The following CCDC148 variants were observed in gnomAD, a reference collection of about 807,000 sequenced individuals.
CCDC148 encodes coiled-coil domain containing 148.
CCDC148 carries 89 observed loss-of-function variants against 85.7 expected under a neutral mutation model. That is an observed-to-expected ratio of 1.04 (90% CI 0.87 to 1.24). The LOEUF (loss-of-function observed/expected upper bound fraction) is 1.24, where lower values mean the gene tolerates loss of function less well. Among genes scored for constraint, CCDC148 ranks in the 50% most tolerant of loss-of-function variants. The pLI is 0.00. For missense variants in CCDC148, 692 were observed against 671.7 expected (o/e 1.03, Z -0.33); for synonymous variants, 230 against 213.9 (o/e 1.08, Z -0.66).
chr2:158,331,078 C>T (rs553449054), intron 7 of CCDC148, among the ~76,000 whole-genome samples: 4 of 152,132 alleles, frequency 2.6e-5, no homozygotes, highest in Non-Finnish European at 4.4e-5. Context: ...TCTTGCTTCT[C>T]GAGTTCTTTT....
intron 1 of CCDC148, among the ~76,000 whole-genome samples, chr2:158,367,685 A>C (rs889968667): frequency 6.6e-6 from 1 of 152,178 alleles, no homozygotes; most frequent in Non-Finnish European, 1.5e-5. Flanking sequence ...AGTTGTAGCC[A>C]AATCTGTCTT....
intron 7 of CCDC148, among the ~76,000 whole-genome samples, chr2:158,317,206 AAAAAAATCTTTAGAC>A (rs1692320768): frequency 6.6e-6 from 1 of 152,228 alleles, no homozygotes; most frequent in Non-Finnish European, 1.5e-5. Flanking sequence ...CAATTTACAA[AAAAAAATCTTTAGAC>A]AAAAAATCTT....
intron 13 of CCDC148, among the ~76,000 whole-genome samples, chr2:158,173,330 T>C (rs1324230500): frequency 2.0e-5 from 3 of 152,022 alleles, no homozygotes; most frequent in African/African-American, 7.2e-5. Context: ...AACAGATGCT[T>C]CTCAGACTAG....
At position 158,357,734 on chromosome 2, in the gene CCDC148, A is replaced by G. The variant is rs568799913; in HGVS notation, c.147+715T>C. ...ATCAAATGTGCTTTGAAATAATAAC[A>G]ATTGCCTTCTATAAAAAAAGATATT... On this transcript the variant is annotated intron_variant, in intron 2 of 13. Transcript: ENST00000283233. Among the ~76,000 whole-genome samples the G allele has an allele frequency of 3.3e-5, 5 of 152,278 alleles. No homozygotes were observed. The South Asian group carries it at 1.0e-3, about 32-fold the overall frequency.
intron 1 of CCDC148, among the ~76,000 whole-genome samples, chr2:158,379,419 AAAT>A (rs1261740384): frequency 3.3e-5 from 5 of 152,178 alleles, no homozygotes; most frequent in Non-Finnish European, 7.4e-5. Flanking sequence ...AACACTGTTG[AAAT>A]AATAAAGGAT....
At chr2:158,285,331 T>G (rs891031181) in intron 9 of CCDC148, among the ~76,000 whole-genome samples, 1 of 148,012 alleles carries the variant, frequency 6.8e-6, no homozygotes, top group Non-Finnish European at 1.5e-5. Flanking sequence ...TAACGGCAGA[T>G]GAGAAATAGC....
intron 11 of CCDC148, among the ~76,000 whole-genome samples, chr2:158,200,971 A>C (rs1228003911): frequency 6.6e-6 from 1 of 151,990 alleles, no homozygotes; most frequent in Non-Finnish European, 1.5e-5. Context: ...TCACCCCATA[A>C]TTTCCCTGCC....
intron 10 of CCDC148, among the ~76,000 whole-genome samples, chr2:158,231,026 C>G (rs550666103): frequency 1.3e-5 from 2 of 152,274 alleles, no homozygotes; most frequent in African/African-American, 4.8e-5. Flanking sequence ...ACACATAACA[C>G]TTGACAAGCC....
chr2:158,350,464 T>C (rs1409896218), intron 2 of CCDC148, among the ~76,000 whole-genome samples: 1 of 152,200 alleles, frequency 6.6e-6, no homozygotes, highest in Non-Finnish European at 1.5e-5. Flanking sequence ...GTTTGGTATC[T>C]TTATTAAAAC....
intron 9 of CCDC148, chr2:158,288,711 C>G: frequency 2.6e-6 from 1 of 383,666 alleles, no homozygotes; most frequent in Non-Finnish European, 5.1e-6. Context: ...GTTCCAACCT[C>G]TGCCTGATAC....
chr2:158,176,045 C>T lies in CCDC148; in HGVS notation c.1629+476G>A, dbSNP rs1273483517. 3.3e-5 allele frequency among the ~76,000 whole-genome samples: 5 copies of T among 152,034 alleles called. No individual in the cohort carries two copies. In the East Asian group the frequency reaches 7.7e-4, roughly 24 times the overall value. On this transcript the variant is annotated intron_variant, in intron 13 of 13. Transcript: ENST00000283233. Reference sequence around the variant, plus strand: ...TAAATAAGCCCTTAACACCTTTTTCCGTAAAAAATGTTTTATCATTAGCTC... The same window carrying T: ...TAAATAAGCCCTTAACACCTTTTTCTGTAAAAAATGTTTTATCATTAGCTC...
chr2:158,258,692 A>T (rs1395330643), intron 9 of CCDC148, among the ~76,000 whole-genome samples: 1 of 151,710 alleles, frequency 6.6e-6, no homozygotes, highest in Non-Finnish European at 1.5e-5. Context: ...TCTTAAACCC[A>T]TTCAGTTCTC....
chr2:158,362,428 C>T (rs759015100), intron 1 of CCDC148, among the ~76,000 whole-genome samples: 11 of 152,148 alleles, frequency 7.2e-5, no homozygotes, highest in Non-Finnish European at 1.5e-4. Flanking sequence ...GGAAGTAAAA[C>T]GCTCCTCAGC....
At chr2:158,416,508 A>G (rs536528749) in intron 1 of CCDC148, among the ~76,000 whole-genome samples, 1 of 152,190 alleles carries the variant, frequency 6.6e-6, no homozygotes, top group African/African-American at 2.4e-5. Flanking sequence ...CTCAAGTACA[A>G]AGTTCAACAG....
At chr2:158,413,495 A>G (rs977983364) in intron 1 of CCDC148, among the ~76,000 whole-genome samples, 1 of 152,160 alleles carries the variant, frequency 6.6e-6, no homozygotes, top group East Asian at 1.9e-4. Context: ...TTATTATCTC[A>G]TATAAATAAG....
At chr2:158,268,954 CT>C (rs1482233025) in intron 9 of CCDC148, among the ~76,000 whole-genome samples, 3 of 152,156 alleles carry the variant, frequency 2.0e-5, no homozygotes, top group Non-Finnish European at 4.4e-5. Context: ...GCCACAATTG[CT>C]TGATCCTTTC....
At chr2:158,354,236 A>T (rs1271326944) in intron 2 of CCDC148, among the ~76,000 whole-genome samples, 1 of 152,154 alleles carries the variant, frequency 6.6e-6, no homozygotes, top group Non-Finnish European at 1.5e-5. Flanking sequence ...TCAGAGCAGA[A>T]CTGAAGGAAA....
rs180784741 is a variant in CCDC148, at chr2:158,309,414, C to T, written c.1110+19G>A. 1,268 of 1,592,322 alleles carry T rather than the reference C, an allele frequency of 8.0e-4. 8 individuals carry two copies. The Middle Eastern group carries it at 0.015, about 19-fold the overall frequency. Reference sequence around the variant, plus strand: ...TTAAATATCCAGACAAATACTGAAACACCTGTGCAGCATCTTACCTTGGCT... The same window carrying T: ...TTAAATATCCAGACAAATACTGAAATACCTGTGCAGCATCTTACCTTGGCT... On this transcript the variant is annotated intron_variant, in intron 9 of 13. Transcript: ENST00000283233.
In CCDC148 at chr2:158,339,628, C is replaced by A. The variant is rs567573037; in HGVS notation, c.487-543G>T. Among the ~76,000 whole-genome samples the A allele has an allele frequency of 4.6e-4, 70 of 152,188 alleles. 2 individuals carry two copies. The South Asian group carries it at 0.011, about 24-fold the overall frequency. ...AGGGTCAGGAGCAGGAAGGAAATGT[C>A]AAAATAGGGTGGTGTGATAGGGAGT... is the stretch of plus-strand genomic sequence containing the variant. On this transcript the variant is annotated intron_variant, in intron 5 of 13. Coordinates refer to ENST00000283233, the MANE Select transcript of CCDC148 (RefSeq NM_138803.4).
Sources: allele counts gnomAD v4.1 joint callset (sites outside exome capture counted in the v4.1 genomes callset), GRCh38; gene constraint gnomAD v4.1.1; transcripts MANE v1.5; gene names NCBI Gene and HGNC (gene_info 2026-07-23, HGNC 2026-07-21).